Variants in NXPH1 observed in about 807,000 individuals in gnomAD.
The protein encoded by NXPH1 is neurexophilin 1, also known as neurexophilin-1.
NXPH1 carries 5 observed loss-of-function variants against 23.7 expected under a neutral mutation model. That is an observed-to-expected ratio of 0.21 (90% CI 0.11 to 0.44). NXPH1 has a LOEUF of 0.44. NXPH1 is among the 20% of genes least tolerant of loss of function. The pLI is 0.99. For synonymous variants in NXPH1, 144 were observed against 122.2 expected (o/e 1.18, Z -1.18); for missense variants, 324 against 321.6 (o/e 1.01, Z -0.06).
chr7:8,462,499 A>G (rs1816712614), intron 2 of NXPH1, among the ~76,000 whole-genome samples: 1 of 152,244 alleles, frequency 6.6e-6, no homozygotes, highest in African/African-American at 2.4e-5. Flanking sequence ...ACTGAAGGAT[A>G]CAGAGGTCAA....
Position 8,752,803 on chromosome 7 carries a change from C to A in NXPH1, c.*1034C>A, listed in dbSNP as rs1780588111. ...CATTTTATCAATGTAGCTGTGAAGG[C>A]CATTAAAAAGACAAACTTAATGTAC... On this transcript the variant is annotated 3_prime_UTR_variant, in exon 3 of 3. Coordinates refer to ENST00000405863, the MANE Select transcript of NXPH1 (RefSeq NM_152745.3). 1 of 152,252 alleles carries A rather than the reference C, an allele frequency of 6.6e-6. No homozygotes were observed. The highest frequency in any genetic ancestry group is 2.4e-5 in the African/African-American group (1 of 41,298). The allele number at this position is 152,252 out of a possible 1,614,324, so 9.4% of individuals were successfully genotyped here.
intron 2 of NXPH1, among the ~76,000 whole-genome samples, chr7:8,672,296 G>A (rs1820881744): frequency 6.6e-6 from 1 of 152,046 alleles, no homozygotes; most frequent in Admixed American, 6.6e-5. Context: ...ATGGACACTG[G>A]AAGGGGAACA....
At chr7:8,532,476 G>A (rs1332084507) in intron 2 of NXPH1, among the ~76,000 whole-genome samples, 4 of 141,312 alleles carry the variant, frequency 2.8e-5, no homozygotes, top group Non-Finnish European at 6.2e-5. Context: ...TTTGGGGGGG[G>A]GGGAGGGGGC....
chr7:8,629,430 T>C (rs10085410), intron 2 of NXPH1, among the ~76,000 whole-genome samples: 41 of 152,246 alleles, frequency 2.7e-4, no homozygotes, highest in African/African-American at 9.1e-4. Flanking sequence ...GGAGCCATAA[T>C]GAATGCTTTC....
At chr7:8,731,254 C>T (rs951125983) in intron 2 of NXPH1, among the ~76,000 whole-genome samples, 5 of 151,716 alleles carry the variant, frequency 3.3e-5, no homozygotes, top group African/African-American at 4.8e-5. Flanking sequence ...AAATTTTTTT[C>T]GAAGTTTTCA....
At chr7:8,694,086 A>G (rs1821265160) in intron 2 of NXPH1, among the ~76,000 whole-genome samples, 1 of 152,356 alleles carries the variant, frequency 6.6e-6, no homozygotes, top group Non-Finnish European at 1.5e-5. Context: ...GAACGAATCC[A>G]CTGGCAAGCC....
chr7:8,688,104 A>G (rs941627358), intron 2 of NXPH1, among the ~76,000 whole-genome samples: 4 of 152,088 alleles, frequency 2.6e-5, no homozygotes, highest in African/African-American at 7.2e-5. Flanking sequence ...TTGCTTCTCC[A>G]TGGCATCTTG....
chr7:8,631,664 C>T (rs1389715231), intron 2 of NXPH1, among the ~76,000 whole-genome samples: 1 of 152,128 alleles, frequency 6.6e-6, no homozygotes, highest in Non-Finnish European at 1.5e-5. Flanking sequence ...GAAATGACCA[C>T]TTAAAGGATT....
chr7:8,443,836 C>G (rs1427702713), intron 2 of NXPH1, among the ~76,000 whole-genome samples: 1 of 152,080 alleles, frequency 6.6e-6, no homozygotes, highest in Non-Finnish European at 1.5e-5. Context: ...TTTCTCTTTA[C>G]TTACCAAACC....
intron 2 of NXPH1, among the ~76,000 whole-genome samples, chr7:8,661,638 T>A (rs907314121): frequency 6.6e-6 from 1 of 152,122 alleles, no homozygotes; most frequent in Non-Finnish European, 1.5e-5. Flanking sequence ...AAAAAGTCAG[T>A]GTAAAACAAA....
intron 2 of NXPH1, among the ~76,000 whole-genome samples, chr7:8,548,050 A>G (rs1290926829): frequency 6.6e-6 from 1 of 151,570 alleles, no homozygotes; most frequent in Non-Finnish European, 1.5e-5. Flanking sequence ...TAGTTCTTTA[A>G]GAAATCTCCA....
At chr7:8,569,198 G>A (rs973309180) in intron 2 of NXPH1, among the ~76,000 whole-genome samples, 2 of 151,710 alleles carry the variant, frequency 1.3e-5, no homozygotes, top group East Asian at 3.9e-4. Context: ...AAAAATAATT[G>A]AACCTAAATC....
chr7:8,469,668 C>G, intron 2 of NXPH1, among the ~76,000 whole-genome samples: 1 of 152,072 alleles, frequency 6.6e-6, no homozygotes, highest in East Asian at 1.9e-4. Flanking sequence ...GATCTTTACA[C>G]TTTAATTCTA....
At chr7:8,679,663 T>C (rs958419562) in intron 2 of NXPH1, among the ~76,000 whole-genome samples, 5 of 152,250 alleles carry the variant, frequency 3.3e-5, no homozygotes, top group Non-Finnish European at 7.3e-5. Context: ...TGTGTCTGAA[T>C]TGGGTGAAGG....
At chr7:8,692,069 C>A (rs570991628) in intron 2 of NXPH1, among the ~76,000 whole-genome samples, 1 of 151,580 alleles carries the variant, frequency 6.6e-6, no homozygotes, top group East Asian at 1.9e-4. Context: ...GTTCTAGGCA[C>A]CAGAAGATGG....
intron 2 of NXPH1, among the ~76,000 whole-genome samples, chr7:8,656,550 TTTA>T (rs1562444773): frequency 3.3e-5 from 5 of 151,460 alleles, no homozygotes; most frequent in African/African-American, 4.8e-5. Flanking sequence ...TCTTTTTTTT[TTTA>T]TTATTATACT....
intron 2 of NXPH1, among the ~76,000 whole-genome samples, chr7:8,615,932 C>T (rs1819725579): frequency 6.6e-6 from 1 of 152,054 alleles, no homozygotes; most frequent in South Asian, 2.1e-4. Context: ...ACAGGTGAAG[C>T]AGTAGACTTC....
intron 2 of NXPH1, among the ~76,000 whole-genome samples, chr7:8,730,717 G>C (rs1780138140): frequency 6.6e-6 from 1 of 152,080 alleles, no homozygotes; most frequent in South Asian, 2.1e-4. Flanking sequence ...TCCGCTGTTA[G>C]TCTGATGGGC....
chr7:8,711,057 T>G (rs1172673628), intron 2 of NXPH1, among the ~76,000 whole-genome samples: 1 of 152,208 alleles, frequency 6.6e-6, no homozygotes, highest in African/African-American at 2.4e-5. Context: ...TCAGCAGTTT[T>G]AAATTTAGAT....
Sources: gnomAD v4.1 joint callset for allele counts (sites outside exome capture counted in the v4.1 genomes callset) on GRCh38, gnomAD v4.1.1 for gene constraint, MANE v1.5 for transcripts, NCBI Gene and HGNC (gene_info 2026-07-23, HGNC 2026-07-21) for gene names.